COG2: variants seen among roughly 807,000 people sequenced by gnomAD.
The protein encoded by COG2 is conserved oligomeric Golgi complex subunit 2.
A neutral mutation model predicts 90.6 loss-of-function variants in COG2; 52 were observed. The ratio of observed to expected loss-of-function variants is 0.57; its 90% CI spans 0.46 to 0.72. The LOEUF (loss-of-function observed/expected upper bound fraction) is 0.72, where lower values mean the gene tolerates loss of function less well. Among genes scored for constraint, COG2 ranks in the 30% least tolerant of loss-of-function variants. COG2 has a pLI of 0.00. For synonymous variants in COG2, 337 were observed against 320.4 expected (o/e 1.05, Z -0.55); for missense variants, 829 against 891.2 (o/e 0.93, Z 0.89).
chr1:230,674,868 A>G (rs1238167588), intron 8 of COG2, 130 bp from the exon 9 acceptor site: 2 of 684,636 alleles, frequency 2.9e-6, no homozygotes, highest in Non-Finnish European at 2.3e-6. Flanking sequence ...CTAAATTACA[A>G]ATACGGTTTT....
chr1:230,688,006 T>A lies in COG2; in HGVS notation c.1579-65T>A, dbSNP rs142718648. The stretch of plus-strand genomic sequence containing the variant: ...AAATTCTAGAGTTTGTAGATGCAAA[T>A]AGAATTGCCTCTTCCTTTGATTTAT... On this transcript the variant is annotated intron_variant, in intron 13 of 17. Transcript: ENST00000366669. 1,868 of 1,111,090 alleles carry A rather than the reference T, an allele frequency of 1.7e-3. 22 individuals are homozygous for A. In the African/African-American group the frequency reaches 0.026, roughly 15 times the overall value. The allele number at this position is 1,111,090 out of a possible 1,614,324, so 68.8% of individuals were successfully genotyped here.
At chr1:230,648,139 C>G (rs1661834628) in intron 1 of COG2, among the ~76,000 whole-genome samples, 1 of 152,244 alleles carries the variant, frequency 6.6e-6, no homozygotes, top group Admixed American at 6.5e-5. Flanking sequence ...AAAAATGTCA[C>G]ATAGTCCCTA....
At chr1:230,659,877 A>C (rs1278773834) in intron 2 of COG2, among the ~76,000 whole-genome samples, 1 of 152,270 alleles carries the variant, frequency 6.6e-6, no homozygotes, top group Non-Finnish European at 1.5e-5. Flanking sequence ...GGCTAGCAGT[A>C]GCAGACTGGT....
In COG2 at chr1:230,675,274, A is replaced by G. The variant is rs1662561602; in HGVS notation, c.1026+150A>G. On this transcript the variant is annotated intron_variant, in intron 9 of 17. Transcript: ENST00000366669. Reference sequence around the variant, plus strand: ...GAACATTTAACCTTAAAACACACACATCGTTTTATCCAAGATATGATGTAT... The same window carrying G: ...GAACATTTAACCTTAAAACACACACGTCGTTTTATCCAAGATATGATGTAT... The G allele has an allele frequency of 6.5e-6, 5 of 775,178 alleles. No homozygotes were observed. The East Asian group carries it at 8.7e-5, about 14-fold the overall frequency. 48.0% of individuals were successfully genotyped at this position (775,178 alleles called of 1,614,324 possible). A position where few individuals can be genotyped will look rare whatever the true frequency, so the allele number is the denominator to read the frequency against.
chr1:230,660,622 C>T (rs1461825220), intron 2 of COG2, 136 bp from the exon 3 acceptor site: 2 of 488,932 alleles, frequency 4.1e-6, no homozygotes, highest in Non-Finnish European at 3.7e-6. Flanking sequence ...TATTTAGTTA[C>T]TTAACAATAT....
intron 8 of COG2, among the ~76,000 whole-genome samples, chr1:230,673,742 C>G (rs1482082690): frequency 6.6e-6 from 1 of 152,112 alleles, no homozygotes; most frequent in African/African-American, 2.4e-5. Context: ...CTTCTTTCCC[C>G]TTCCTGGCCC....
chr1:230,675,857 G>A (rs935841679), intron 9 of COG2, among the ~76,000 whole-genome samples: 1 of 151,942 alleles, frequency 6.6e-6, no homozygotes, highest in Non-Finnish European at 1.5e-5. Context: ...GTCTCACTAT[G>A]TTGCCTAGGC....
intron 1 of COG2, among the ~76,000 whole-genome samples, chr1:230,653,293 T>C (rs1326104196): frequency 1.3e-5 from 2 of 151,502 alleles, no homozygotes; most frequent in Admixed American, 6.6e-5. Context: ...CCATCTTGGC[T>C]CACTGCAACC....
chr1:230,668,987 TAA>T (rs1662384193), intron 6 of COG2: 2 of 475,590 alleles, frequency 4.2e-6, no homozygotes, highest in Admixed American at 3.9e-5. Context: ...CTCCAGATGA[TAA>T]GAGTAAAATT....
chr1:230,690,422 T>G, intron 16 of COG2: 1 of 299,624 alleles, frequency 3.3e-6, no homozygotes, highest in Non-Finnish European at 6.2e-6. Context: ...CCTGCCTGCG[T>G]TCCCTGCAGG....
intron 7 of COG2, chr1:230,670,919 A>G (rs1204673567): frequency 6.6e-6 from 1 of 151,294 alleles, no homozygotes; most frequent in Non-Finnish European, 1.5e-5. Flanking sequence ...AACCGATGAA[A>G]ATATTTTAGT....
chr1:230,663,217 A>G lies in COG2; in HGVS notation c.377A>G (p.Lys126Arg). The change falls in exon 4 of 18, where the codon AAA becomes AGA. Residue 126 changes from lysine (K) to arginine (R), a missense_variant. Lys to Arg is a conservative substitution (Grantham distance 26). Transcript: ENST00000366669. ...RMSKQEDIRK[K>R]KMCVLRLIQV... ...TCTAAACAAGAGGACATTAGGAAAAAAAAGGTATACTCAAATATTACAATA... is the reference window on the plus strand; with the variant it reads ...TCTAAACAAGAGGACATTAGGAAAAGAAAGGTATACTCAAATATTACAATA... The G allele has an allele frequency of 6.2e-7, 1 of 1,610,688 alleles. No homozygotes were observed. Among genetic ancestry groups the G allele is most frequent in the Non-Finnish European group, 8.5e-7 (1 of 1,178,168 alleles).
chr1:230,645,749 C>G (rs1661755771), intron 1 of COG2, among the ~76,000 whole-genome samples: 1 of 152,190 alleles, frequency 6.6e-6, no homozygotes, highest in Non-Finnish European at 1.5e-5. Flanking sequence ...TGCAACTAGA[C>G]AGTCCTGTCT....
chr1:230,691,488 GT>G lies in COG2; in HGVS notation c.2040del (p.Ser682ValfsTer4). The G allele has an allele frequency of 6.2e-7, 1 of 1,614,140 alleles. No homozygotes were observed. Among genetic ancestry groups the G allele is most frequent in the Non-Finnish European group, 8.5e-7 (1 of 1,180,018 alleles). ...AAAACCACTCCCGCCAACCCCGTCG[GT>G]CCCAGTGGTGGCATGAGCGACGACG... ...ARKTTPANPV[G>X]PSGGMSDDDK... On this transcript the variant is annotated frameshift_variant, in exon 17 of 18. Coordinates refer to ENST00000366669, the MANE Select transcript of COG2 (RefSeq NM_007357.3). LOFTEE classifies it high-confidence loss of function.
chr1:230,693,228 T>G, intron 17 of COG2, 64 bp from the exon 18 acceptor site: 1 of 973,232 alleles, frequency 1.0e-6, no homozygotes, highest in Non-Finnish European at 1.6e-6. Context: ...TTTCTTTCTT[T>G]TTTTTCCCCC....
Position 230,663,143 on chromosome 1 carries a change from C to G in COG2, c.303C>G (p.Ser101Arg), listed in dbSNP as rs1229781426. 1.2e-6 allele frequency: 2 copies of G among 1,604,704 alleles called. No individual in the cohort carries two copies. The highest frequency in any genetic ancestry group is 1.7e-6 in the Non-Finnish European group (2 of 1,175,800). The stretch of plus-strand genomic sequence containing the variant: ...CTTTTTTTTTTTGTCTTTTAAAGAG[C>G]CTTAGATCGTCTGTCAGTGAAGGAA... ...PLGQLREEVLSLRSSVSEGIR... is the reference protein window; with the variant it reads ...PLGQLREEVLRLRSSVSEGIR... The change falls in exon 4 of 18, where the codon AGC becomes AGG. Residue 101 changes from serine (S) to arginine (R), a missense_variant and splice_region_variant. Transcript: ENST00000366669.
At position 230,664,550 on chromosome 1, in the gene COG2, C is replaced by G. The variant is rs759740200; in HGVS notation, c.448C>G (p.Gln150Glu). Residue 150 changes from glutamine to glutamate, a missense_variant, in exon 5 of 18, where the codon CAA becomes GAA. Physicochemically the swap from Gln to Glu is conservative, Grantham distance 29. Transcript: ENST00000366669. ...GAAAATTGAAAAAATCTTAAACTCTCAAAGTTCTAAAGAAACCTCTGCACT... is the reference window on the plus strand; with the variant it reads ...GAAAATTGAAAAAATCTTAAACTCTGAAAGTTCTAAAGAAACCTCTGCACT... ...VEKIEKILNS[Q>E]SSKETSALEA... 6.3e-6 allele frequency: 10 copies of G among 1,583,428 alleles called. No homozygotes were observed. In the Admixed American group the frequency reaches 8.9e-5, roughly 14 times the overall value.
chr1:230,683,351 C>T (rs1662800572), intron 10 of COG2: 1 of 452,400 alleles, frequency 2.2e-6, no homozygotes, highest in South Asian at 2.9e-5. Context: ...TTCAGACCAG[C>T]TGCAAATAAC....
At chr1:230,668,464 G>A (rs998248066) in intron 5 of COG2, among the ~76,000 whole-genome samples, 1 of 152,184 alleles carries the variant, frequency 6.6e-6, no homozygotes, top group African/African-American at 2.4e-5. Context: ...GGTGCACTTA[G>A]AACATGCTGT....
Sources: gnomAD v4.1 joint callset for allele counts (sites outside exome capture counted in the v4.1 genomes callset) on GRCh38, gnomAD v4.1.1 for gene constraint, MANE v1.5 for transcripts, NCBI Gene and HGNC (gene_info 2026-07-23, HGNC 2026-07-21) for gene names.